DGKB: variants seen among roughly 807,000 people sequenced by gnomAD.
DGKB encodes the protein diacylglycerol kinase beta.
Under a neutral mutation model 114.3 loss-of-function variants are expected in DGKB, and 67 were observed. That is an observed-to-expected ratio of 0.59 (90% CI 0.48 to 0.72). The LOEUF (loss-of-function observed/expected upper bound fraction) is 0.72, where lower values mean the gene tolerates loss of function less well. Among genes scored for constraint, DGKB ranks in the 30% least tolerant of loss-of-function variants. The pLI is 0.00. For synonymous variants in DGKB, 398 were observed against 323.1 expected, an observed-to-expected ratio of 1.23 and a Z score of -2.49; for missense variants, 907 against 975.2, an observed-to-expected ratio of 0.93 and a Z score of 0.93.
At chr7:14,678,205 A>G (rs1047775619) in intron 12 of DGKB, among the ~76,000 whole-genome samples, 1 of 152,100 alleles carries the variant, frequency 6.6e-6, no homozygotes, top group Non-Finnish European at 1.5e-5. Context: ...TCAGGTGATT[A>G]GGAAAAAATG....
At chr7:14,414,546 T>G (rs73679737) in intron 21 of DGKB, among the ~76,000 whole-genome samples, 218 of 152,310 alleles carry the variant, frequency 1.4e-3, no homozygotes, top group African/African-American at 4.8e-3. Context: ...CTTTAGTTTC[T>G]TAACCTGTGT....
rs1200015637 is a variant in DGKB, at chr7:14,279,982, C to T, written c.2122+58533G>A. ...CCTCCTCCAAAGGAACGCAGCTCCT[C>T]ACCAGTAACGGAACAAAGCTGGACG... On this transcript the variant is annotated intron_variant, in intron 23 of 25. Transcript: ENST00000402815. Among the ~76,000 whole-genome samples, 3 of 152,212 alleles carry T rather than the reference C, an allele frequency of 2.0e-5. 1 individual carries two copies. The highest frequency in any genetic ancestry group is 4.1e-4 in the South Asian group (2 of 4,832).
At chr7:14,191,497 A>G (rs755839175) in intron 23 of DGKB, 2 of 192,102 alleles carry the variant, frequency 1.0e-5, no homozygotes, top group East Asian at 1.7e-4. Context: ...CCTATCACCA[A>G]CTCATCCAAC....
chr7:14,342,674 A>C (rs1277537643), intron 22 of DGKB, among the ~76,000 whole-genome samples: 2 of 151,896 alleles, frequency 1.3e-5, no homozygotes. Context: ...TATCTCTGCA[A>C]TGGAGATATA....
chr7:14,303,070 A>G (rs1175519564), intron 23 of DGKB, among the ~76,000 whole-genome samples: 1 of 152,208 alleles, frequency 6.6e-6, no homozygotes, highest in Non-Finnish European at 1.5e-5. Context: ...TAGCCCAGAT[A>G]TGTAGAATTA....
chr7:14,386,818 G>A (rs1820417768), intron 21 of DGKB, among the ~76,000 whole-genome samples: 1 of 151,756 alleles, frequency 6.6e-6, no homozygotes, highest in Admixed American at 6.6e-5. Context: ...AAAAGATGAG[G>A]AAAAAGGAAA....
At chr7:14,851,121 A>C (rs1445635093) in intron 1 of DGKB, among the ~76,000 whole-genome samples, 1 of 152,186 alleles carries the variant, frequency 6.6e-6, no homozygotes, top group African/African-American at 2.4e-5. Flanking sequence ...ACATATATAC[A>C]GTACATATAC....
At chr7:14,618,569 G>T (rs900379601) in intron 15 of DGKB, among the ~76,000 whole-genome samples, 1 of 151,580 alleles carries the variant, frequency 6.6e-6, no homozygotes, top group Non-Finnish European at 1.5e-5. Flanking sequence ...AGAAGTCGCA[G>T]TTTCAATTAC....
At chr7:14,970,509 C>T (rs971661042) in intron 1 of DGKB, among the ~76,000 whole-genome samples, 1 of 150,942 alleles carries the variant, frequency 6.6e-6, no homozygotes, top group Admixed American at 6.6e-5. Flanking sequence ...AAATGTTAGT[C>T]GATTGAATAC....
intron 21 of DGKB, among the ~76,000 whole-genome samples, chr7:14,418,218 TTA>T (rs373844268): frequency 1.0e-3 from 148 of 142,442 alleles, no homozygotes; most frequent in African/African-American, 3.5e-3. Context: ...AATGTATATA[TTA>T]TATATGTACA....
chr7:14,864,484 A>T (rs553040135), intron 1 of DGKB, among the ~76,000 whole-genome samples: 20 of 152,274 alleles, frequency 1.3e-4, no homozygotes, highest in Admixed American at 7.8e-4. Context: ...GAAACACAAT[A>T]TTTGCCCTTG....
chr7:14,939,517 T>A (rs989749485), intron 1 of DGKB, among the ~76,000 whole-genome samples: 3 of 152,044 alleles, frequency 2.0e-5, no homozygotes, highest in Non-Finnish European at 4.4e-5. Context: ...GAATAGAGGT[T>A]CAGAGAAGTT....
intron 13 of DGKB, among the ~76,000 whole-genome samples, chr7:14,663,913 G>A (rs1027706756): frequency 6.3e-4 from 95 of 151,952 alleles, no homozygotes; most frequent in African/African-American, 2.2e-3. Context: ...CCTTACAACT[G>A]CTATAGTTTT....
At chr7:14,351,360 A>G (rs1003753699) in intron 21 of DGKB, among the ~76,000 whole-genome samples, 1 of 152,214 alleles carries the variant, frequency 6.6e-6, no homozygotes, top group African/African-American at 2.4e-5. Flanking sequence ...CAGTTCAGGG[A>G]GAGAAAAGCA....
intron 2 of DGKB, among the ~76,000 whole-genome samples, chr7:14,767,815 A>G (rs916726287): frequency 6.6e-6 from 1 of 151,946 alleles, no homozygotes; most frequent in Non-Finnish European, 1.5e-5. Context: ...AAATATTTAA[A>G]CCCACGCTAG....
At chr7:14,852,497 ACAG>A (rs1554304365) in intron 1 of DGKB, among the ~76,000 whole-genome samples, 4 of 138,460 alleles carry the variant, frequency 2.9e-5, no homozygotes, top group South Asian at 2.2e-4. Context: ...CAAAAAAAAA[ACAG>A]AAATCAAGCA....
intron 13 of DGKB, among the ~76,000 whole-genome samples, chr7:14,645,720 C>A (rs1812840396): frequency 6.6e-6 from 1 of 151,302 alleles, no homozygotes; most frequent in Non-Finnish European, 1.5e-5. Flanking sequence ...AACCTGTCAG[C>A]CAAGAATACA....
At chr7:14,374,236 C>G (rs1043697550) in intron 21 of DGKB, among the ~76,000 whole-genome samples, 4 of 152,152 alleles carry the variant, frequency 2.6e-5, no homozygotes, top group African/African-American at 7.2e-5. Context: ...GACCTCCAAG[C>G]GAGACATTAA....
intron 2 of DGKB, among the ~76,000 whole-genome samples, chr7:14,770,733 A>G (rs1010645246): frequency 1.3e-5 from 2 of 152,138 alleles, no homozygotes; most frequent in African/African-American, 4.8e-5. Flanking sequence ...ATTAGAGCCA[A>G]GAGGTATTGG....
Sources: gnomAD v4.1 joint callset for allele counts (sites outside exome capture counted in the v4.1 genomes callset) on GRCh38, gnomAD v4.1.1 for gene constraint, MANE v1.5 for transcripts, NCBI Gene and HGNC (gene_info 2026-07-23, HGNC 2026-07-21) for gene names.